CLEC9A: variants seen among roughly 807,000 people sequenced by gnomAD.
The protein encoded by CLEC9A is C-type lectin domain family 9 member A.
A neutral mutation model predicts 30.0 loss-of-function variants in CLEC9A; 24 were observed. The ratio of observed to expected loss-of-function variants is 0.80; its 90% CI spans 0.58 to 1.13. The LOEUF is 1.13. Ranked by LOEUF, CLEC9A falls within the 50% of genes most tolerant of loss-of-function variation. CLEC9A has a pLI of 0.00. For synonymous variants in CLEC9A, 111 were observed against 96.8 expected (o/e 1.15, Z -0.86); for missense variants, 251 against 280.9 (o/e 0.89, Z 0.76).
In CLEC9A at chr12:10,056,435, T is replaced by C. The variant is rs531469645; in HGVS notation, c.172+2084T>C. 2.0e-5 allele frequency among the ~76,000 whole-genome samples: 3 copies of C among 152,282 alleles called. No homozygotes were observed. The East Asian group carries it at 5.8e-4, about 29-fold the overall frequency. On this transcript the variant is annotated intron_variant, in intron 5 of 8. Transcript: ENST00000355819. ...GTATGTAAAGTGCAAAAAAGCAGCATTTAAAACCTGGCTGATGAGATCAAT... is the reference window on the plus strand; with the variant it reads ...GTATGTAAAGTGCAAAAAAGCAGCACTTAAAACCTGGCTGATGAGATCAAT...
At chr12:10,035,354 G>A (rs910218694) in intron 1 of CLEC9A, among the ~76,000 whole-genome samples, 7 of 152,228 alleles carry the variant, frequency 4.6e-5, no homozygotes, top group Non-Finnish European at 8.8e-5. Context: ...TGGAGCCCTC[G>A]CCAGGGATCC....
At chr12:10,052,976 G>A (rs751321930) in intron 4 of CLEC9A, 198 bp downstream of exon 4, 7 of 491,084 alleles carry the variant, frequency 1.4e-5, no homozygotes, top group African/African-American at 3.9e-5. Context: ...CGTGATAAAC[G>A]TGCGGAACTA....
intron 8 of CLEC9A, 73 bp from the exon 9 acceptor site, chr12:10,065,427 C>T (rs1866034858): frequency 1.9e-6 from 3 of 1,573,538 alleles, no homozygotes; most frequent in African/African-American, 1.3e-5. Flanking sequence ...CTACACACCT[C>T]TCATTAGTTA....
intron 2 of CLEC9A, 81 bp downstream of exon 2, chr12:10,041,701 A>G (rs552799901): frequency 2.0e-6 from 1 of 498,982 alleles, no homozygotes. Flanking sequence ...TTTGTTTTTT[A>G]CATTTTTCTT....
Position 10,053,958 on chromosome 12 carries a change from T to C in CLEC9A, c.92-313T>C, listed in dbSNP as rs376700584. Among the ~76,000 whole-genome samples the C allele has an allele frequency of 5.9e-5, 9 of 152,148 alleles. No individual in the cohort carries two copies. The East Asian group carries it at 7.7e-4, about 13-fold the overall frequency. On this transcript the variant is annotated intron_variant, in intron 4 of 8. Coordinates refer to ENST00000355819, the MANE Select transcript of CLEC9A (RefSeq NM_207345.4). ...TTGGCTTGGGGGAATCTCTAAAAGA[T>C]TGTTGGAAAAGAATACATATAATTA...
At position 10,051,982 on chromosome 12, in the gene CLEC9A, C is replaced by A. The variant is rs1407470643; in HGVS notation, c.-162-9C>A. ...GTGTGGATTCATCACCTTCTCTTTT[C>A]TTTTCCAGTGGATAGAAGTCAAGGG... On this transcript the variant is annotated splice_polypyrimidine_tract_variant and intron_variant, in intron 2 of 8. Coordinates refer to ENST00000355819, the MANE Select transcript of CLEC9A (RefSeq NM_207345.4). 1 of 152,198 alleles carries A rather than the reference C, an allele frequency of 6.6e-6. No individual in the cohort carries two copies. The highest frequency in any genetic ancestry group is 1.5e-5 in the Non-Finnish European group (1 of 68,030). 9.4% of individuals were successfully genotyped at this position (152,198 alleles called of 1,614,324 possible). A position where few individuals can be genotyped will look rare whatever the true frequency, so the allele number is the denominator to read the frequency against.
In CLEC9A at chr12:10,052,731, C is replaced by A. The variant is rs1175407427; in HGVS notation, c.44C>A (p.Pro15Gln). Residue 15 changes from proline (P) to glutamine (Q), a missense_variant, in exon 4 of 9, where the codon CCA becomes CAA. Coordinates refer to ENST00000355819, the MANE Select transcript of CLEC9A (RefSeq NM_207345.4). Reference protein sequence around the residue: ...EIYTSLQWDSPAPDTYQKCLS... With the variant: ...EIYTSLQWDSQAPDTYQKCLS... ...TACACCTCTCTTCAGTGGGATAGCCCAGCACCAGACACTTACCAGAAATGT... is the reference window on the plus strand; with the variant it reads ...TACACCTCTCTTCAGTGGGATAGCCAAGCACCAGACACTTACCAGAAATGT... 6.2e-7 allele frequency: 1 copy of A among 1,613,964 alleles called. No individual in the cohort carries two copies.
intron 5 of CLEC9A, among the ~76,000 whole-genome samples, chr12:10,059,053 A>G (rs1354690031): frequency 6.6e-6 from 1 of 152,068 alleles, no homozygotes; most frequent in Non-Finnish European, 1.5e-5. Flanking sequence ...ATTTTTCTTG[A>G]TGCCATTCTC....
intron 6 of CLEC9A, among the ~76,000 whole-genome samples, chr12:10,062,282 C>T (rs1371143911): frequency 6.6e-6 from 1 of 152,204 alleles, no homozygotes; most frequent in African/African-American, 2.4e-5. Flanking sequence ...GGCCTAAATA[C>T]AGGGACTGTC....
At chr12:10,046,778 T>C (rs1865850500) in intron 2 of CLEC9A, among the ~76,000 whole-genome samples, 1 of 152,196 alleles carries the variant, frequency 6.6e-6, no homozygotes, top group Non-Finnish European at 1.5e-5. Flanking sequence ...ACAAGCACCA[T>C]GACATAATTC....
chr12:10,043,376 C>T (rs775122965), intron 2 of CLEC9A: 12 of 178,578 alleles, frequency 6.7e-5, no homozygotes, highest in Admixed American at 1.3e-4. Context: ...TCTTGAGATC[C>T]GCTCTCATCT....
chr12:10,061,319 C>T, intron 6 of CLEC9A, 46 bp downstream of exon 6: 3 of 1,510,086 alleles, frequency 2.0e-6, no homozygotes, highest in Non-Finnish European at 2.7e-6. Context: ...TAAATATATA[C>T]ACCAATACCT....
intron 6 of CLEC9A, 129 bp downstream of exon 6, chr12:10,061,402 TG>T: frequency 2.1e-6 from 2 of 942,348 alleles, no homozygotes; most frequent in Non-Finnish European, 3.0e-6. Flanking sequence ...GACATAATTT[TG>T]GTCACTCTTC....
Position 10,061,151 on chromosome 12 carries a change from T to C in CLEC9A, c.197T>C (p.Met66Thr). 1 of 1,611,242 alleles carries C rather than the reference T, an allele frequency of 6.2e-7. No individual in the cohort carries two copies. Among genetic ancestry groups the C allele is most frequent in the Non-Finnish European group, 8.5e-7 (1 of 1,179,122 alleles). The change falls in exon 6 of 9, where the codon ATG becomes ACG. Residue 66 changes from methionine to threonine, a missense_variant. Coordinates refer to ENST00000355819, the MANE Select transcript of CLEC9A (RefSeq NM_207345.4). ...GTGTTGCAGGTGTCCACCATTGCGATGCAGCAGCAAGAAAAACTCATCCAA... is the reference window on the plus strand; with the variant it reads ...GTGTTGCAGGTGTCCACCATTGCGACGCAGCAGCAAGAAAAACTCATCCAA... ...VKLLQVSTIA[M>T]QQQEKLIQQE...
At chr12:10,058,267 AATT>A (rs1865960670) in intron 5 of CLEC9A, among the ~76,000 whole-genome samples, 1 of 152,184 alleles carries the variant, frequency 6.6e-6, no homozygotes, top group African/African-American at 2.4e-5. Flanking sequence ...CTAAGAAGAA[AATT>A]ATTATTTTTC....
intron 6 of CLEC9A, among the ~76,000 whole-genome samples, 159 bp downstream of exon 6, chr12:10,061,432 A>T (rs1416782196): frequency 6.6e-6 from 1 of 152,222 alleles, no homozygotes; most frequent in African/African-American, 2.4e-5. Flanking sequence ...CTTATTTATA[A>T]CATCCAATAC....
chr12:10,034,400 C>G (rs1297828886), intron 1 of CLEC9A, among the ~76,000 whole-genome samples: 1 of 152,208 alleles, frequency 6.6e-6, no homozygotes, highest in Admixed American at 6.5e-5. Context: ...CAGGGTCTGC[C>G]TCCAGCCTGT....
At position 10,052,650 on chromosome 12, in the gene CLEC9A, T is replaced by G; in HGVS notation, c.-38T>G. ...ACAAGAGGAGTTACTTGTTCCAGCC[T>G]CCTGTGTGGACTGCTTTCCTATCAA... On this transcript the variant is annotated 5_prime_UTR_variant, in exon 4 of 9. Coordinates refer to ENST00000355819, the MANE Select transcript of CLEC9A (RefSeq NM_207345.4). 1 of 1,609,320 alleles carries G rather than the reference T, an allele frequency of 6.2e-7. No individual in the cohort carries two copies. Among genetic ancestry groups the G allele is most frequent in the Non-Finnish European group, 8.5e-7 (1 of 1,177,966 alleles).
At chr12:10,041,710 T>G in intron 2 of CLEC9A, 90 bp downstream of exon 2, 2 of 485,580 alleles carry the variant, frequency 4.1e-6, no homozygotes, top group Non-Finnish European at 8.3e-6. Context: ...TACATTTTTC[T>G]TAACATCTTT....
Sources: gnomAD v4.1 joint callset for allele counts (sites outside exome capture counted in the v4.1 genomes callset) on GRCh38, gnomAD v4.1.1 for gene constraint, MANE v1.5 for transcripts, NCBI Gene and HGNC (gene_info 2026-07-23, HGNC 2026-07-21) for gene names.